UTRN: variants seen among roughly 807,000 people sequenced by gnomAD.
UTRN encodes the protein dystrophin-related protein 1.
Under a neutral mutation model 463.9 loss-of-function variants are expected in UTRN, and 283 were observed. The ratio of observed to expected loss-of-function variants is 0.61; its 90% CI spans 0.55 to 0.67. The LOEUF is 0.67. Among genes scored for constraint, UTRN ranks in the 30% least tolerant of loss-of-function variants. UTRN has a pLI of 0.00. For synonymous variants in UTRN, 1,442 were observed against 1,431.5 expected, an observed-to-expected ratio of 1.01 and a Z score of -0.17; for missense variants, 3,922 against 4,084.3, an observed-to-expected ratio of 0.96 and a Z score of 1.08.
At chr6:144,293,372 G>T (rs1804412325) in intron 2 of UTRN, among the ~76,000 whole-genome samples, 1 of 152,026 alleles carries the variant, frequency 6.6e-6, no homozygotes, top group African/African-American at 2.4e-5. Flanking sequence ...TCTAATTTCA[G>T]AAATACCGTG....
rs183739073 is a variant in UTRN, at chr6:144,698,311, A to G, written c.7653-1776A>G. On this transcript the variant is annotated intron_variant, in intron 52 of 74. Transcript: ENST00000367545. ...ACCACAGTTTTGTAAAATGAGTTCA[A>G]TTGTAGCACCTGTGGAATAAATAGA... Among the ~76,000 whole-genome samples, 20 of 152,334 alleles carry G rather than the reference A, an allele frequency of 1.3e-4. No homozygotes were observed. The East Asian group carries it at 3.3e-3, about 25-fold the overall frequency.
intron 24 of UTRN, 98 bp downstream of exon 24, chr6:144,473,931 G>A (rs556184268): frequency 4.3e-5 from 31 of 714,998 alleles, no homozygotes; most frequent in East Asian, 1.7e-4. Flanking sequence ...ATATAGCATA[G>A]CATTACATCT....
At position 144,386,518 on chromosome 6, in the gene UTRN, A is replaced by T. The variant is rs1781435028; in HGVS notation, c.80-16605A>T. Reference sequence around the variant, plus strand: ...GAACCTTTTCATAGTTATGAAAATTAAAAATAAGAATATGTATTTTTCAAT... The same window carrying T: ...GAACCTTTTCATAGTTATGAAAATTTAAAATAAGAATATGTATTTTTCAAT... On this transcript the variant is annotated intron_variant, in intron 2 of 74. Coordinates refer to ENST00000367545, the MANE Select transcript of UTRN (RefSeq NM_007124.3). 1.3e-5 allele frequency among the ~76,000 whole-genome samples: 2 copies of T among 152,220 alleles called. 1 individual carries two copies. The highest frequency in any genetic ancestry group is 4.1e-4 in the South Asian group (2 of 4,834).
chr6:144,639,987 A>T (rs1226227199), intron 51 of UTRN, among the ~76,000 whole-genome samples: 5 of 152,204 alleles, frequency 3.3e-5, no homozygotes, highest in Admixed American at 3.3e-4. Context: ...TGTGCCAGAG[A>T]TGATGCAGAC....
intron 23 of UTRN, 130 bp downstream of exon 23, chr6:144,462,996 T>G: frequency 2.4e-6 from 2 of 833,898 alleles, no homozygotes; most frequent in Non-Finnish European, 3.6e-6. Flanking sequence ...GTATTTAAGT[T>G]GGGACTTATC....
At chr6:144,494,796 C>G (rs1482807088) in intron 33 of UTRN, among the ~76,000 whole-genome samples, 1 of 152,066 alleles carries the variant, frequency 6.6e-6, no homozygotes, top group Non-Finnish European at 1.5e-5. Flanking sequence ...GAGCTAGACA[C>G]AGGGTGCTGA....
Position 144,369,635 on chromosome 6 carries a change from A to G in UTRN, c.80-33488A>G, listed in dbSNP as rs374775547. ...GTCTCAAAAAAGAAAACAAAACAGA[A>G]AACAAATTACACCCTACTCCTAGTG... On this transcript the variant is annotated intron_variant, in intron 2 of 74. Coordinates refer to ENST00000367545, the MANE Select transcript of UTRN (RefSeq NM_007124.3). Among the ~76,000 whole-genome samples, 553 of 152,306 alleles carry G rather than the reference A, an allele frequency of 3.6e-3. 20 individuals are homozygous for G. In the South Asian group the frequency reaches 0.081, roughly 22 times the overall value.
intron 51 of UTRN, among the ~76,000 whole-genome samples, chr6:144,650,714 G>C (rs1778727715): frequency 6.6e-6 from 1 of 152,156 alleles, no homozygotes; most frequent in Admixed American, 6.5e-5. Flanking sequence ...TTTGAGACCA[G>C]CCTGACCAAC....
At chr6:144,510,380 T>C (rs139822064) in intron 34 of UTRN, among the ~76,000 whole-genome samples, 1 of 152,334 alleles carries the variant, frequency 6.6e-6, no homozygotes, top group Non-Finnish European at 1.5e-5. Context: ...AAGCTTAGAC[T>C]TGCTGCTCTC....
intron 53 of UTRN, 138 bp from the exon 54 acceptor site, chr6:144,730,219 T>G: frequency 7.4e-6 from 7 of 949,714 alleles, no homozygotes; most frequent in Non-Finnish European, 9.9e-6. Context: ...ATTTACATTT[T>G]GGCTTCTAAC....
At chr6:144,334,420 G>A (rs1161114987) in intron 2 of UTRN, among the ~76,000 whole-genome samples, 4 of 150,742 alleles carry the variant, frequency 2.7e-5, no homozygotes, top group African/African-American at 5.0e-5. Flanking sequence ...TAGCGCCCCC[G>A]GGAGTGGTAG....
intron 19 of UTRN, among the ~76,000 whole-genome samples, chr6:144,456,494 A>C (rs1371497096): frequency 6.6e-6 from 1 of 151,914 alleles, no homozygotes; most frequent in African/African-American, 2.4e-5. Context: ...CTCTACTAAA[A>C]ATACAAAAAT....
chr6:144,496,383 A>C (rs1562487091), intron 33 of UTRN, among the ~76,000 whole-genome samples: 1 of 152,206 alleles, frequency 6.6e-6, no homozygotes, highest in Non-Finnish European at 1.5e-5. Context: ...TTGATGTGAT[A>C]CATTTTGATG....
At chr6:144,821,867 A>G (rs1265050063) in intron 66 of UTRN, among the ~76,000 whole-genome samples, 1 of 152,106 alleles carries the variant, frequency 6.6e-6, no homozygotes, top group African/African-American at 2.4e-5. Context: ...CTTGGGGAAA[A>G]TGAACTTTTA....
intron 65 of UTRN, among the ~76,000 whole-genome samples, chr6:144,819,886 T>G (rs1429149017): frequency 9.9e-5 from 12 of 121,362 alleles, no homozygotes; most frequent in Admixed American, 7.8e-4. Context: ...CGCCTCCTCC[T>G]CCTCCTCCTC....
chr6:144,592,720 C>T (rs1275192034), intron 51 of UTRN, among the ~76,000 whole-genome samples: 1 of 152,114 alleles, frequency 6.6e-6, no homozygotes, highest in Non-Finnish European at 1.5e-5. Flanking sequence ...CAAGGTAGCA[C>T]CTGTTTACAT....
At chr6:144,425,516 TGATA>T (rs1439588752) in intron 6 of UTRN, among the ~76,000 whole-genome samples, 1 of 152,232 alleles carries the variant, frequency 6.6e-6, no homozygotes. Flanking sequence ...TTATGATGCT[TGATA>T]GATAATGATT....
intron 46 of UTRN, among the ~76,000 whole-genome samples, chr6:144,543,359 C>T (rs1798142235): frequency 6.6e-6 from 1 of 152,198 alleles, no homozygotes; most frequent in Admixed American, 6.5e-5. Flanking sequence ...AAATACTTCT[C>T]ACTTGGATGT....
chr6:144,441,144 A>G (rs1416585659), intron 13 of UTRN, among the ~76,000 whole-genome samples: 1 of 152,154 alleles, frequency 6.6e-6, no homozygotes, highest in East Asian at 1.9e-4. Flanking sequence ...ATGTCCTCAC[A>G]TTTCACAACC....
Sources: allele counts gnomAD v4.1 joint callset (sites outside exome capture counted in the v4.1 genomes callset), GRCh38; gene constraint gnomAD v4.1.1; transcripts MANE v1.5; gene names NCBI Gene and HGNC (gene_info 2026-07-23, HGNC 2026-07-21).